The following KHDRBS2 variants were observed in gnomAD, a reference collection of about 807,000 sequenced individuals.
KHDRBS2 encodes the protein KH domain-containing, RNA-binding, signal transduction-associated protein 2.
In KHDRBS2, 26 loss-of-function variants were observed where a neutral mutation model predicts 44.3. The observed-to-expected ratio is 0.59, with a 90% confidence interval of 0.43 to 0.81. The LOEUF is 0.81. Ranked by LOEUF, KHDRBS2 falls within the 40% of genes least tolerant of loss-of-function variation. The pLI is 0.00. For missense variants in KHDRBS2, 476 were observed against 433.1 expected, an observed-to-expected ratio of 1.10 and a Z score of -0.88; for synonymous variants, 194 against 151.1, an observed-to-expected ratio of 1.28 and a Z score of -2.08.
At chr6:62,109,152 T>TCGG (rs1562883770) in intron 2 of KHDRBS2, among the ~76,000 whole-genome samples, 1 of 150,262 alleles carries the variant, frequency 6.7e-6, no homozygotes, top group African/African-American at 2.4e-5. Context: ...CAAGGGACGG[T>TCGG]TGTCCTAGAA....
At chr6:61,634,622 T>G in the KHDRBS2 span, among the ~76,000 whole-genome samples, 1 of 152,062 alleles carries the variant, frequency 6.6e-6, no homozygotes, top group Non-Finnish European at 1.5e-5. Flanking sequence ...GATTTTTGAT[T>G]CAATTTATTT....
intron 2 of KHDRBS2, among the ~76,000 whole-genome samples, chr6:62,157,607 T>C (rs1402003404): frequency 6.6e-6 from 1 of 152,204 alleles, no homozygotes; most frequent in African/African-American, 2.4e-5. Flanking sequence ...CCAAGTGGCA[T>C]ATGAGTCAGA....
intron 4 of KHDRBS2, among the ~76,000 whole-genome samples, chr6:61,947,587 G>A (rs1351900173): frequency 6.6e-6 from 1 of 152,058 alleles, no homozygotes; most frequent in African/African-American, 2.4e-5. Context: ...CAGAGGAATT[G>A]AAAATTTTAT....
intron 6 of KHDRBS2, among the ~76,000 whole-genome samples, chr6:61,832,517 TG>T (rs1474310818): frequency 1.3e-5 from 2 of 152,082 alleles, no homozygotes; most frequent in Non-Finnish European, 2.9e-5. Flanking sequence ...CTTGGGAAAG[TG>T]CTGGCTTTAT....
At chr6:62,086,769 AGAG>A (rs1304513740) in intron 2 of KHDRBS2, among the ~76,000 whole-genome samples, 1 of 152,146 alleles carries the variant, frequency 6.6e-6, no homozygotes, top group Non-Finnish European at 1.5e-5. Context: ...GTTGAACATG[AGAG>A]GAGTTTTTCT....
intron 6 of KHDRBS2, among the ~76,000 whole-genome samples, chr6:61,789,567 C>T (rs1293458674): frequency 6.6e-6 from 1 of 151,422 alleles, no homozygotes; most frequent in Non-Finnish European, 1.5e-5. Flanking sequence ...CAAAACTCCA[C>T]CAAATAAATT....
chr6:62,131,486 G>C, intron 2 of KHDRBS2, among the ~76,000 whole-genome samples: 1 of 152,214 alleles, frequency 6.6e-6, no homozygotes, highest in East Asian at 1.9e-4. Flanking sequence ...CCTTCACCAA[G>C]TCTGAAGGAA....
chr6:62,254,568 A>T lies in KHDRBS2; in HGVS notation c.91+31290T>A, dbSNP rs570923757. On this transcript the variant is annotated intron_variant, in intron 1 of 8. Coordinates refer to ENST00000281156, the MANE Select transcript of KHDRBS2 (RefSeq NM_152688.4). ...GGACTGATCTTTGAAAAGTAAGCAG[A>T]TCTTTATCAGAAAAGTAAGCAGCTA... Among the ~76,000 whole-genome samples the T allele has an allele frequency of 3.9e-5, 6 of 152,178 alleles. No homozygotes were observed. The South Asian group carries it at 1.2e-3, about 31-fold the overall frequency.
At chr6:62,020,011 G>A (rs1202900732) in intron 3 of KHDRBS2, among the ~76,000 whole-genome samples, 1 of 151,492 alleles carries the variant, frequency 6.6e-6, no homozygotes, top group Non-Finnish European at 1.5e-5. Flanking sequence ...TGGAAGTTGA[G>A]GTCATCGATT....
intron 2 of KHDRBS2, among the ~76,000 whole-genome samples, chr6:62,132,563 C>T (rs1208087656): frequency 2.0e-5 from 3 of 152,136 alleles, no homozygotes; most frequent in African/African-American, 7.2e-5. Context: ...CAAGCAGCTA[C>T]CATGGTTGAA....
intron 3 of KHDRBS2, among the ~76,000 whole-genome samples, chr6:61,984,064 G>T (rs1774529973): frequency 6.6e-6 from 1 of 152,072 alleles, no homozygotes; most frequent in African/African-American, 2.4e-5. Context: ...AACACCAAAA[G>T]ATTTATTGCT....
intron 2 of KHDRBS2, among the ~76,000 whole-genome samples, chr6:62,072,650 T>A (rs920730063): frequency 6.6e-6 from 1 of 152,182 alleles, no homozygotes; most frequent in Admixed American, 6.6e-5. Context: ...CATTTATTGA[T>A]TTGCATATGT....
At chr6:62,218,479 G>A (rs1279196947) in intron 1 of KHDRBS2, among the ~76,000 whole-genome samples, 1 of 151,736 alleles carries the variant, frequency 6.6e-6, no homozygotes, top group Non-Finnish European at 1.5e-5. Context: ...GGCCCAGAAA[G>A]AGTACAGAAG....
At position 61,814,930 on chromosome 6, in the gene KHDRBS2, T is replaced by C. The variant is rs186650485; in HGVS notation, c.810+79705A>G. On this transcript the variant is annotated intron_variant, in intron 6 of 8. Transcript: ENST00000281156. ...AAGTTCCTTATATAAAATGGTAAAGTATTTGTATATAACCTACACACTTCC... is the reference window on the plus strand; with the variant it reads ...AAGTTCCTTATATAAAATGGTAAAGCATTTGTATATAACCTACACACTTCC... 8.7e-4 allele frequency among the ~76,000 whole-genome samples: 132 copies of C among 152,242 alleles called. 3 individuals are homozygous for C. In the East Asian group the frequency reaches 0.021, roughly 25 times the overall value.
intron 6 of KHDRBS2, among the ~76,000 whole-genome samples, chr6:61,847,696 T>G (rs1794613965): frequency 6.6e-6 from 1 of 152,102 alleles, no homozygotes; most frequent in African/African-American, 2.4e-5. Context: ...CATATTTTGG[T>G]TTAGTGATCA....
chr6:61,990,940 T>A (rs751054502), intron 3 of KHDRBS2, among the ~76,000 whole-genome samples: 1 of 152,062 alleles, frequency 6.6e-6, no homozygotes, highest in African/African-American at 2.4e-5. Context: ...AATCTCCTGA[T>A]CTTGTGATCC....
intron 2 of KHDRBS2, among the ~76,000 whole-genome samples, chr6:62,061,314 G>A (rs1791799966): frequency 6.6e-6 from 1 of 151,718 alleles, no homozygotes; most frequent in Admixed American, 6.6e-5. Flanking sequence ...GCTGGTACCG[G>A]TTGTTCCTTT....
At chr6:61,906,931 G>A (rs1431763010) in intron 4 of KHDRBS2, among the ~76,000 whole-genome samples, 2 of 151,358 alleles carry the variant, frequency 1.3e-5, no homozygotes, top group African/African-American at 2.4e-5. Flanking sequence ...ACCTAACAGT[G>A]GAACTGCTAG....
intron 2 of KHDRBS2, among the ~76,000 whole-genome samples, chr6:62,101,003 G>A (rs544220643): frequency 6.6e-6 from 1 of 152,264 alleles, no homozygotes; most frequent in Non-Finnish European, 1.5e-5. Flanking sequence ...TTTACAGGCA[G>A]AAAATCTATC....
Sources: gnomAD v4.1 joint callset for allele counts (sites outside exome capture counted in the v4.1 genomes callset) on GRCh38, gnomAD v4.1.1 for gene constraint, MANE v1.5 for transcripts, NCBI Gene and HGNC (gene_info 2026-07-23, HGNC 2026-07-21) for gene names.